LYZL2: variants seen among roughly 807,000 people sequenced by gnomAD.
LYZL2 encodes lysozyme-like protein 2.
LYZL2 carries 13 observed loss-of-function variants against 17.1 expected under a neutral mutation model. The ratio of observed to expected loss-of-function variants is 0.76; its 90% CI spans 0.49 to 1.21. The LOEUF (loss-of-function observed/expected upper bound fraction) is 1.21. LYZL2 is among the 50% of genes most tolerant of loss of function. The pLI, the probability that LYZL2 is intolerant of heterozygous loss-of-function variation, is 0.00. For synonymous variants in LYZL2, 63 were observed against 74.4 expected, an observed-to-expected ratio of 0.85 and a Z score of 0.79; for missense variants, 166 against 189.2, an observed-to-expected ratio of 0.88 and a Z score of 0.72.
At chr10:30,627,765 C>T (rs1838738815) in intron 1 of LYZL2, among the ~76,000 whole-genome samples, 2 of 152,086 alleles carry the variant, frequency 1.3e-5, no homozygotes, top group Admixed American at 6.5e-5. Flanking sequence ...ATTGGCACCC[C>T]GACCCCTACA....
chr10:30,612,719 C>A, intron 4 of LYZL2, 103 bp downstream of exon 4: 1 of 832,082 alleles, frequency 1.2e-6, no homozygotes, highest in East Asian at 2.5e-5. Flanking sequence ...ATTGGTTGGA[C>A]CACTCTGCGG....
At chr10:30,628,617 T>C (rs1184435822) in intron 1 of LYZL2, among the ~76,000 whole-genome samples, 1 of 152,208 alleles carries the variant, frequency 6.6e-6, no homozygotes, top group African/African-American at 2.4e-5. Flanking sequence ...GAACTTGATG[T>C]TCTTACATAT....
Position 30,612,736 on chromosome 10 carries a change from G to A in LYZL2, c.377+86C>T, listed in dbSNP as rs550166449. On this transcript the variant is annotated intron_variant, in intron 4 of 4. Transcript: ENST00000647634. Reference sequence around the variant, plus strand: ...TGGTTGGACCACTCTGCGGAGGTGAGTTTGTCAATTCCACCATAACTGTGA... The same window carrying A: ...TGGTTGGACCACTCTGCGGAGGTGAATTTGTCAATTCCACCATAACTGTGA... 3.0e-5 allele frequency: 31 copies of A among 1,048,780 alleles called. No homozygotes were observed. In the Admixed American group the frequency reaches 4.9e-4, roughly 17 times the overall value. 65.0% of individuals were successfully genotyped at this position (1,048,780 alleles called of 1,614,324 possible).
At chr10:30,612,298 C>T (rs990497044) in intron 4 of LYZL2, among the ~76,000 whole-genome samples, 30 of 152,272 alleles carry the variant, frequency 2.0e-4, no homozygotes, top group African/African-American at 6.7e-4. Flanking sequence ...ATTCGGGTTC[C>T]CTGAGTGGGG....
downstream of LYZL2, among the ~76,000 whole-genome samples, chr10:30,611,615 G>GAAAGAAAGAA (rs1554784981): frequency 1.6e-5 from 2 of 122,268 alleles, no homozygotes; most frequent in Admixed American, 8.4e-5. Flanking sequence ...AAGAAAGAAA[G>GAAAGAAAGAA]AGAAAGAAAG....
intron 3 of LYZL2, among the ~76,000 whole-genome samples, chr10:30,624,049 C>T (rs1008866646): frequency 3.3e-5 from 5 of 152,192 alleles, no homozygotes; most frequent in African/African-American, 1.2e-4. Context: ...ACTATGTTTC[C>T]TCTTACTTGC....
intron 1 of LYZL2, among the ~76,000 whole-genome samples, chr10:30,628,079 G>A (rs1838747458): frequency 6.6e-6 from 1 of 152,034 alleles, no homozygotes; most frequent in Non-Finnish European, 1.5e-5. Context: ...AGAATGGCGT[G>A]AACCCAGGAG....
Position 30,617,674 on chromosome 10 carries a change from C to CAAAAAAAAAAAAAAAA in LYZL2, c.299-4790_299-4775dup, listed in dbSNP as rs1165550893. Among the ~76,000 whole-genome samples the CAAAAAAAAAAAAAAAA allele has an allele frequency of 1.8e-4, 9 of 50,212 alleles. 1 individual carries two copies. Among genetic ancestry groups the CAAAAAAAAAAAAAAAA allele is most frequent in the Admixed American group, 3.5e-4 (1 of 2,896 alleles). 32.9% of individuals were successfully genotyped at this position (50,212 alleles called of 152,430 possible). On this transcript the variant is annotated intron_variant, in intron 3 of 4. Transcript: ENST00000647634. The stretch of plus-strand genomic sequence containing the variant: ...TGGGTGACAGAGTGAGACTCTGTCT[C>CAAAAAAAAAAAAAAAA]AAAAAAAAAAAAAAAAAAAAAAAAG...
chr10:30,611,530 A>AGAAGGAAGGAAGGAAGGAAG (rs762109748), downstream of LYZL2, among the ~76,000 whole-genome samples: 187 of 80,408 alleles, frequency 2.3e-3, 1 homozygote, highest in Middle Eastern at 5.8e-3. Context: ...GGAAAAAGAA[A>AGAAGGAAGGAAGGAAGGAAG]GAAGGAAGGA....
Position 30,626,825 on chromosome 10 carries a change from A to T in LYZL2, c.91T>A (p.Phe31Ile). The change falls in exon 2 of 5, where the codon TTC (phenylalanine) becomes ATC (isoleucine). Residue 31 changes from phenylalanine to isoleucine, a missense_variant. By Grantham distance (21) the Phe-to-Ile change is conservative. This residue lies in a region of LYZL2 where 32 missense variants were observed against 59.8 expected (regional missense o/e 0.53). Coordinates refer to ENST00000647634, the MANE Select transcript of LYZL2 (RefSeq NM_183058.3). ...TAATTGTCCAGGCCAGCCCTCGAGA[A>T]TATTTTTGCCAGTTTGCAACGAGTG... ...IYTRCKLAKI[F>I]SRAGLDNYWG... 1 of 1,614,244 alleles carries T rather than the reference A, an allele frequency of 6.2e-7. No homozygotes were observed. Among genetic ancestry groups the T allele is most frequent in the Non-Finnish European group, 8.5e-7 (1 of 1,180,038 alleles).
intron 3 of LYZL2, among the ~76,000 whole-genome samples, chr10:30,617,679 A>AAAAAAAAAAAAAAAAAAAAAG (rs1838554252): frequency 5.8e-4 from 62 of 106,902 alleles, no homozygotes; most frequent in Non-Finnish European, 8.8e-4. Flanking sequence ...TGTCTCAAAA[A>AAAAAAAAAAAAAAAAAAAAAG]AAAAAAAAAA....
intron 3 of LYZL2, among the ~76,000 whole-genome samples, chr10:30,618,878 A>T (rs1480900310): frequency 1.3e-5 from 2 of 152,224 alleles, no homozygotes; most frequent in Non-Finnish European, 2.9e-5. Context: ...CTACCATCAG[A>T]GTGAACAGGC....
intron 3 of LYZL2, among the ~76,000 whole-genome samples, chr10:30,624,275 G>T (rs1838669171): frequency 6.6e-6 from 1 of 152,166 alleles, no homozygotes; most frequent in African/African-American, 2.4e-5. Flanking sequence ...GTAGGCATCA[G>T]CAGGGAAGGG....
intron 3 of LYZL2, among the ~76,000 whole-genome samples, chr10:30,613,120 T>C (rs902534903): frequency 4.3e-4 from 66 of 152,318 alleles, no homozygotes; most frequent in African/African-American, 1.6e-3. Context: ...CTACCTGACA[T>C]TTCAGAGGAA....
At chr10:30,612,586 A>G (rs1838461716) in intron 4 of LYZL2, among the ~76,000 whole-genome samples, 2 of 152,186 alleles carry the variant, frequency 1.3e-5, no homozygotes, top group South Asian at 4.1e-4. Flanking sequence ...GAATATGTTC[A>G]TATGAAAAGC....
downstream of LYZL2, among the ~76,000 whole-genome samples, chr10:30,608,650 G>A (rs538784755): frequency 9.9e-5 from 15 of 152,246 alleles, no homozygotes; most frequent in South Asian, 8.3e-4. Context: ...TACCCCTTCC[G>A]TATCTCAGGG....
intron 3 of LYZL2, among the ~76,000 whole-genome samples, chr10:30,619,810 TA>T (rs2132943750): frequency 6.6e-6 from 1 of 151,918 alleles, no homozygotes; most frequent in South Asian, 2.1e-4. Context: ...ACATGTACCC[TA>T]AAACTTAAAG....
rs74355775 is a variant in LYZL2 at position 30,621,418 on chromosome 10, AT to A, written c.298+4686del. On this transcript the variant is annotated intron_variant, in intron 3 of 4. Transcript: ENST00000647634. ...AACATGACGAGACCCCATCTCCACA[AT>A]TTTTTTTTTTTTAAATCAGCCAGGC... Among the ~76,000 whole-genome samples, 493 of 147,148 alleles carry A rather than the reference AT, an allele frequency of 3.4e-3. 1 individual carries two copies. The highest frequency in any genetic ancestry group is 7.7e-3 in the African/African-American group (309 of 40,172).
At position 30,626,881 on chromosome 10, in the gene LYZL2, C is replaced by T; in HGVS notation, c.35G>A (p.Cys12Tyr). The stretch of plus-strand genomic sequence containing the variant: ...TTTGGACTCGGCGCCTGTGACCAGG[C>T]AGCCAATGAGGGTCAGAATGCCCGC... Reference protein sequence around the residue: ...KAAGILTLIGCLVTGAESKIY... With the variant: ...KAAGILTLIGYLVTGAESKIY... The change falls in exon 2 of 5, where the codon TGC (cysteine) becomes TAC (tyrosine). Residue 12 changes from cysteine to tyrosine, a missense_variant. Coordinates refer to ENST00000647634, the MANE Select transcript of LYZL2 (RefSeq NM_183058.3). 1 of 1,613,472 alleles carries T rather than the reference C, an allele frequency of 6.2e-7. No individual in the cohort carries two copies. The highest frequency in any genetic ancestry group is 8.5e-7 in the Non-Finnish European group (1 of 1,179,838).
Sources: gnomAD v4.1 joint callset for allele counts (sites outside exome capture counted in the v4.1 genomes callset) on GRCh38, gnomAD v4.1.1 for gene constraint, gnomAD v4.1.1 regional missense constraint, MANE v1.5 for transcripts, NCBI Gene and HGNC (gene_info 2026-07-23, HGNC 2026-07-21) for gene names.